GSK3B: variants seen among roughly 807,000 people sequenced by gnomAD.
The protein encoded by GSK3B is glycogen synthase kinase-3 beta.
In GSK3B, 15 loss-of-function variants were observed where a neutral mutation model predicts 56.4. The ratio of observed to expected loss-of-function variants is 0.27; its 90% CI spans 0.18 to 0.41. The LOEUF is 0.41. Among genes scored for constraint, GSK3B ranks in the 10% least tolerant of loss-of-function variants. The pLI is 1.00. For missense variants in GSK3B, 300 were observed against 513.4 expected, an observed-to-expected ratio of 0.58 and a Z score of 4.02; for synonymous variants, 181 against 188.9, an observed-to-expected ratio of 0.96 and a Z score of 0.34.
chr3:120,049,518 G>C (rs1214761957), intron 1 of GSK3B, among the ~76,000 whole-genome samples: 2 of 152,178 alleles, frequency 1.3e-5, no homozygotes, highest in Non-Finnish European at 2.9e-5. Flanking sequence ...AGAGAAGAGA[G>C]AACATTTAAG....
At chr3:119,878,673 A>AT (rs959444504) in intron 7 of GSK3B, among the ~76,000 whole-genome samples, 10 of 152,038 alleles carry the variant, frequency 6.6e-5, no homozygotes, top group Admixed American at 3.9e-4. Context: ...TGCATAGCAT[A>AT]TTTTTTTTAA....
intron 10 of GSK3B, among the ~76,000 whole-genome samples, chr3:119,839,251 C>G (rs966205475): frequency 1.3e-5 from 2 of 152,148 alleles, no homozygotes; most frequent in Admixed American, 6.5e-5. Context: ...ACTTAAATAT[C>G]TGAAAGCCAT....
intron 8 of GSK3B, among the ~76,000 whole-genome samples, chr3:119,869,032 AT>A: frequency 6.6e-6 from 1 of 152,030 alleles, no homozygotes; most frequent in Middle Eastern, 3.4e-3. Flanking sequence ...AGTCTATACT[AT>A]TTTTTAAAAT....
At chr3:119,853,520 C>T (rs1319374993) in intron 9 of GSK3B, among the ~76,000 whole-genome samples, 1 of 152,128 alleles carries the variant, frequency 6.6e-6, no homozygotes, top group Non-Finnish European at 1.5e-5. Context: ...GCAGTAGGGC[C>T]ATTTTCACGA....
intron 1 of GSK3B, among the ~76,000 whole-genome samples, chr3:120,035,412 T>C (rs758456495): frequency 1.3e-5 from 2 of 152,240 alleles, no homozygotes; most frequent in Non-Finnish European, 2.9e-5. Context: ...TGGTACTTTG[T>C]TACTGCAACC....
At chr3:120,012,485 C>A (rs2057787204) in intron 1 of GSK3B, among the ~76,000 whole-genome samples, 1 of 152,054 alleles carries the variant, frequency 6.6e-6, no homozygotes, top group South Asian at 2.1e-4. Flanking sequence ...AGCTTCAGGC[C>A]CTCTCTCCCG....
At chr3:120,072,929 C>T (rs2058338147) in intron 1 of GSK3B, among the ~76,000 whole-genome samples, 1 of 152,108 alleles carries the variant, frequency 6.6e-6, no homozygotes, top group Non-Finnish European at 1.5e-5. Context: ...CCAGAGGTAG[C>T]AAGGCTCCAT....
At chr3:119,829,676 C>T (rs1318004869) in intron 10 of GSK3B, among the ~76,000 whole-genome samples, 2 of 152,222 alleles carry the variant, frequency 1.3e-5, no homozygotes, top group Non-Finnish European at 2.9e-5. Flanking sequence ...TGTGACATTG[C>T]CAAAACCAGT....
intron 1 of GSK3B, among the ~76,000 whole-genome samples, chr3:120,072,583 AAATAAT>A (rs1371334869): frequency 2.0e-5 from 3 of 152,170 alleles, no homozygotes; most frequent in Admixed American, 1.3e-4. Context: ...AGTCTCAAAA[AAATAAT>A]AATAATAATT....
intron 1 of GSK3B, among the ~76,000 whole-genome samples, chr3:120,077,054 C>T (rs184923112): frequency 8.5e-5 from 13 of 152,092 alleles, no homozygotes; most frequent in Middle Eastern, 3.4e-3. Flanking sequence ...GAAAAGAGAA[C>T]CTCTGTACAC....
intron 3 of GSK3B, among the ~76,000 whole-genome samples, chr3:119,923,848 G>C (rs1417442379): frequency 6.6e-6 from 1 of 152,104 alleles, no homozygotes; most frequent in Non-Finnish European, 1.5e-5. Context: ...TATCGTGGTG[G>C]CAGGGAGAGT....
chr3:119,976,729 TATAA>T (rs1209662100), intron 2 of GSK3B, among the ~76,000 whole-genome samples: 1 of 142,634 alleles, frequency 7.0e-6, no homozygotes, highest in Non-Finnish European at 1.5e-5. Context: ...ATAAGGTTGT[TATAA>T]ATAAATATAT....
intron 7 of GSK3B, among the ~76,000 whole-genome samples, chr3:119,900,034 C>T (rs187352526): frequency 3.3e-5 from 5 of 152,076 alleles, no homozygotes; most frequent in South Asian, 2.1e-4. Context: ...TAAAAGCTAT[C>T]TACATAGATA....
chr3:119,912,582 A>G (rs973425504), intron 6 of GSK3B, 122 bp downstream of exon 6: 3 of 464,150 alleles, frequency 6.5e-6, no homozygotes, highest in Admixed American at 3.6e-5. Flanking sequence ...GCTTTAAGAA[A>G]AAAAACATTA....
intron 1 of GSK3B, among the ~76,000 whole-genome samples, chr3:120,042,077 T>A (rs941882246): frequency 6.6e-6 from 1 of 152,202 alleles, no homozygotes; most frequent in Admixed American, 6.5e-5. Flanking sequence ...TAACCTTCAG[T>A]TGCCAGAGAA....
chr3:120,089,638 A>G (rs928954525), intron 1 of GSK3B, among the ~76,000 whole-genome samples: 1 of 152,198 alleles, frequency 6.6e-6, no homozygotes, highest in Admixed American at 6.6e-5. Flanking sequence ...AGTGATACAG[A>G]CTTATTTTCA....
chr3:119,874,693 AAC>A (rs2056289846), intron 8 of GSK3B, among the ~76,000 whole-genome samples: 1 of 111,102 alleles, frequency 9.0e-6, no homozygotes, highest in Non-Finnish European at 2.4e-5. Flanking sequence ...TCATAAAAAT[AAC>A]ATTATTATTA....
intron 7 of GSK3B, among the ~76,000 whole-genome samples, chr3:119,902,076 G>A (rs976575751): frequency 3.3e-5 from 5 of 151,154 alleles, no homozygotes; most frequent in African/African-American, 1.2e-4. Flanking sequence ...AAAAACGTGA[G>A]AACTGAACTG....
intron 2 of GSK3B, among the ~76,000 whole-genome samples, chr3:119,962,344 C>G (rs1277257977): frequency 6.7e-6 from 1 of 149,078 alleles, no homozygotes; most frequent in Non-Finnish European, 1.5e-5. Flanking sequence ...CATTGCACTC[C>G]AGCCTGGGCA....
Sources: gnomAD v4.1 joint callset for allele counts (sites outside exome capture counted in the v4.1 genomes callset) on GRCh38, gnomAD v4.1.1 for gene constraint, MANE v1.5 for transcripts, NCBI Gene and HGNC (gene_info 2026-07-23, HGNC 2026-07-21) for gene names.